Variants in ZNF292 observed in about 807,000 individuals in gnomAD.
ZNF292 encodes the protein zinc finger protein 292, also known as 16 zinc-finger domain protein.
ZNF292 carries 26 observed loss-of-function variants against 217.9 expected under a neutral mutation model. The ratio of observed to expected loss-of-function variants is 0.12; its 90% CI spans 0.09 to 0.17. The LOEUF (loss-of-function observed/expected upper bound fraction) is 0.17. Among genes scored for constraint, ZNF292 ranks in the 10% least tolerant of loss-of-function variants. ZNF292 has a pLI of 1.00. For missense variants in ZNF292, 2,904 were observed against 3,175.2 expected (o/e 0.91, Z 2.05); for synonymous variants, 1,257 against 1,124.1 (o/e 1.12, Z -2.37).
intron 4 of ZNF292, among the ~76,000 whole-genome samples, chr6:87,227,959 A>G (rs978994165): frequency 3.3e-5 from 5 of 152,208 alleles, no homozygotes; most frequent in South Asian, 2.1e-4. Flanking sequence ...GGGTATAACC[A>G]GAAGTGGGAT....
Position 87,260,043 on chromosome 6 carries a change from A to G in ZNF292, c.6414A>G (p.Val2138=). Residue 2138 remains valine (V), a synonymous_variant, in exon 8 of 8, where the codon GTA becomes GTG. Coordinates refer to ENST00000369577, the MANE Select transcript of ZNF292 (RefSeq NM_015021.3). The part of the protein sequence containing the change: ...QQNLILHYQA[V]HKSDLPAFSA... The stretch of plus-strand genomic sequence containing the variant: ...ACTTGATTCTCCATTACCAGGCTGT[A>G]CACAAATCAGATCTACCTGCATTTT... 6.2e-7 allele frequency: 1 copy of G among 1,613,618 alleles called. No individual in the cohort carries two copies. The highest frequency in any genetic ancestry group is 8.5e-7 in the Non-Finnish European group (1 of 1,179,644).
chr6:87,247,088 G>C lies in ZNF292; in HGVS notation c.1020+1444G>C, dbSNP rs573499615. ...AGGAATCGCTTGAGCCCAGGAGGTG[G>C]AGGTTACAGTGAGCTGGAGGTTACA... On this transcript the variant is annotated intron_variant, in intron 7 of 7. Coordinates refer to ENST00000369577, the MANE Select transcript of ZNF292 (RefSeq NM_015021.3). 5.3e-5 allele frequency among the ~76,000 whole-genome samples: 8 copies of C among 151,602 alleles called. No homozygotes were observed. The East Asian group carries it at 1.4e-3, about 26-fold the overall frequency.
intron 1 of ZNF292, among the ~76,000 whole-genome samples, chr6:87,207,120 G>A (rs944162305): frequency 5.9e-5 from 9 of 152,178 alleles, no homozygotes; most frequent in Non-Finnish European, 1.0e-4. Flanking sequence ...TGCATTTTGC[G>A]TATTCTAACA....
chr6:87,228,377 CT>C, intron 4 of ZNF292, among the ~76,000 whole-genome samples: 1 of 152,068 alleles, frequency 6.6e-6, no homozygotes, highest in Non-Finnish European at 1.5e-5. Context: ...TTCCTTTTCA[CT>C]CTGGTGAAAA....
chr6:87,175,943 C>G (rs1771274118), intron 1 of ZNF292, among the ~76,000 whole-genome samples: 1 of 152,146 alleles, frequency 6.6e-6, no homozygotes, highest in African/African-American at 2.4e-5. Context: ...TTTATTTACA[C>G]TACGCTCCTG....
chr6:87,227,600 C>G (rs562045646), intron 4 of ZNF292, among the ~76,000 whole-genome samples: 1 of 152,242 alleles, frequency 6.6e-6, no homozygotes, highest in Admixed American at 6.5e-5. Context: ...TCCCCTTTTC[C>G]CTTAGCCCTC....
intron 7 of ZNF292, chr6:87,249,496 T>C (rs1774788318): frequency 1.3e-5 from 2 of 159,136 alleles, no homozygotes. Context: ...ACCTTGCTTC[T>C]TGTTGCATGA....
Position 87,164,023 on chromosome 6 carries a change from C to T in ZNF292, c.168+8264C>T, listed in dbSNP as rs534950362. 5.3e-5 allele frequency among the ~76,000 whole-genome samples: 8 copies of T among 152,280 alleles called. No homozygotes were observed. In the South Asian group the frequency reaches 1.2e-3, roughly 24 times the overall value. ...AAGTTAATTTCAGAATGTTACAACCCTTGTTTCGCCCACCTCGCCCCGCCA... is the reference window on the plus strand; with the variant it reads ...AAGTTAATTTCAGAATGTTACAACCTTTGTTTCGCCCACCTCGCCCCGCCA... On this transcript the variant is annotated intron_variant, in intron 1 of 7. Transcript: ENST00000369577.
chr6:87,261,587 A>G lies in ZNF292; in HGVS notation c.7958A>G (p.Gln2653Arg). ...TGTAAAGAAAGCGAAACGTTTGTACAGTTTGCCAATCCATCACAGCTTCAG... is the reference window on the plus strand; with the variant it reads ...TGTAAAGAAAGCGAAACGTTTGTACGGTTTGCCAATCCATCACAGCTTCAG... ...CPCKESETFV[Q>R]FANPSQLQCS... is the part of the protein sequence containing the mutation. The change falls in exon 8 of 8, where the codon CAG (glutamine) becomes CGG (arginine). Residue 2653 changes from glutamine (Q) to arginine (R), a missense_variant. Coordinates refer to ENST00000369577, the MANE Select transcript of ZNF292 (RefSeq NM_015021.3). 6.2e-7 allele frequency: 1 copy of G among 1,611,204 alleles called. No homozygotes were observed. The highest frequency in any genetic ancestry group is 2.2e-5 in the East Asian group (1 of 44,800).
At chr6:87,183,587 T>A (rs1771537530) in intron 1 of ZNF292, among the ~76,000 whole-genome samples, 7 of 152,330 alleles carry the variant, frequency 4.6e-5, no homozygotes, top group South Asian at 4.1e-4. Context: ...ACAAACTTTT[T>A]AAAAGATGTT....
intron 1 of ZNF292, among the ~76,000 whole-genome samples, chr6:87,188,065 G>A (rs1358296613): frequency 6.6e-6 from 1 of 152,094 alleles, no homozygotes; most frequent in African/African-American, 2.4e-5. Flanking sequence ...CAAAATATCT[G>A]GGGGAAAAGA....
chr6:87,176,837 T>G (rs1465326712), intron 1 of ZNF292, among the ~76,000 whole-genome samples: 1 of 152,196 alleles, frequency 6.6e-6, no homozygotes, highest in Non-Finnish European at 1.5e-5. Context: ...TTATAGACTT[T>G]TAGCCCTTGG....
At chr6:87,210,509 GA>G (rs1039615147) in intron 1 of ZNF292, among the ~76,000 whole-genome samples, 1 of 151,984 alleles carries the variant, frequency 6.6e-6, no homozygotes, top group African/African-American at 2.4e-5. Flanking sequence ...ACTTTGTGGG[GA>G]TCTAGTAGCT....
At chr6:87,177,325 CAA>C (rs200520906) in intron 1 of ZNF292, among the ~76,000 whole-genome samples, 11 of 121,464 alleles carry the variant, frequency 9.1e-5, no homozygotes, top group Admixed American at 2.5e-4. Flanking sequence ...AACTCCATCT[CAA>C]AAAAAAAAAA....
intron 1 of ZNF292, among the ~76,000 whole-genome samples, chr6:87,190,002 C>T (rs1449175091): frequency 6.6e-6 from 1 of 152,180 alleles, no homozygotes; most frequent in Non-Finnish European, 1.5e-5. Flanking sequence ...GGTTAATAAT[C>T]CAACACCACT....
intron 1 of ZNF292, among the ~76,000 whole-genome samples, chr6:87,177,570 T>C (rs1251091060): frequency 6.6e-6 from 1 of 152,214 alleles, no homozygotes; most frequent in Non-Finnish European, 1.5e-5. Context: ...ATCTGTCTTC[T>C]ATACTGTCAC....
At position 87,205,376 on chromosome 6, in the gene ZNF292, C is replaced by CT. The variant is rs1486124758; in HGVS notation, c.169-10525dup. 2.0e-5 allele frequency among the ~76,000 whole-genome samples: 3 copies of CT among 152,032 alleles called. No individual in the cohort carries two copies. The East Asian group carries it at 5.8e-4, about 29-fold the overall frequency. On this transcript the variant is annotated intron_variant, in intron 1 of 7. Transcript: ENST00000369577. ...GACATAAGCCACCATGCCCAGCCTG[C>CT]TTGCTGGACTTTTCTATAAAAATTG...
intron 7 of ZNF292, among the ~76,000 whole-genome samples, chr6:87,246,790 C>T (rs560443774): frequency 5.1e-4 from 77 of 152,226 alleles, no homozygotes; most frequent in African/African-American, 1.7e-3. Context: ...TCAGAGGCAG[C>T]GATTACAGTG....
chr6:87,255,107 C>G lies in ZNF292; in HGVS notation c.1478C>G (p.Ser493Cys), dbSNP rs757079164. The G allele has an allele frequency of 4.2e-5, 67 of 1,613,598 alleles. No homozygotes were observed. The highest frequency in any genetic ancestry group is 1.6e-4 in the Middle Eastern group (1 of 6,062). ...TACCAAGAAGAGAGTAAAGAAACTT[C>G]TATGAATGGGCTTTCTGGTGGAGTT... ...VDYQEESKET[S>C]MNGLSGGVGA... Residue 493 changes from serine to cysteine, a missense_variant, in exon 8 of 8, where the codon TCT becomes TGT. Around this residue, in one of 15 missense-constraint regions of ZNF292, gnomAD observed 87 missense variants for 99.6 expected, o/e 0.87. Transcript: ENST00000369577.
Sources: gnomAD v4.1 joint callset for allele counts (sites outside exome capture counted in the v4.1 genomes callset) on GRCh38, gnomAD v4.1.1 for gene constraint, gnomAD v4.1.1 regional missense constraint, MANE v1.5 for transcripts, NCBI Gene and HGNC (gene_info 2026-07-23, HGNC 2026-07-21) for gene names.